Variants in SFMBT2 observed in about 807,000 individuals in gnomAD.
The protein encoded by SFMBT2 is scm-like with four MBT domains protein 2.
Under a neutral mutation model 110.1 loss-of-function variants are expected in SFMBT2, and 38 were observed. That is an observed-to-expected ratio of 0.35 (90% CI 0.27 to 0.45). The LOEUF is 0.45. Ranked by LOEUF, SFMBT2 falls within the 20% of genes least tolerant of loss-of-function variation. The pLI is 1.00. For missense variants in SFMBT2, 1,011 were observed against 1,094.9 expected, an observed-to-expected ratio of 0.92 and a Z score of 1.08; for synonymous variants, 425 against 425.4, an observed-to-expected ratio of 1.00 and a Z score of 0.01.
intron 4 of SFMBT2, chr10:7,329,573 A>C: frequency 1.1e-6 from 1 of 911,438 alleles, no homozygotes; most frequent in Non-Finnish European, 1.3e-6. Context: ...CCCAGGGGCC[A>C]AAACACCATT....
chr10:7,179,056 A>C (rs966427025), intron 16 of SFMBT2, among the ~76,000 whole-genome samples: 1 of 152,202 alleles, frequency 6.6e-6, no homozygotes, highest in Admixed American at 6.5e-5. Context: ...ACGGCAAAAA[A>C]AATTAAGGAT....
chr10:7,394,778 G>A (rs1845878102), intron 1 of SFMBT2, among the ~76,000 whole-genome samples: 1 of 151,434 alleles, frequency 6.6e-6, no homozygotes, highest in Non-Finnish European at 1.5e-5. Flanking sequence ...TGTCTACTGG[G>A]GCCTTCCTTT....
intron 7 of SFMBT2, among the ~76,000 whole-genome samples, chr10:7,253,768 T>G (rs1388080186): frequency 6.6e-6 from 1 of 150,468 alleles, no homozygotes; most frequent in Non-Finnish European, 1.5e-5. Context: ...TAAAATGCAT[T>G]GCTGTATCTT....
chr10:7,170,569 C>G lies in SFMBT2; in HGVS notation c.2544+359G>C, dbSNP rs1040351942. 2.0e-5 allele frequency among the ~76,000 whole-genome samples: 3 copies of G among 152,136 alleles called. No homozygotes were observed. Among genetic ancestry groups the G allele is most frequent in the Non-Finnish European group, 4.4e-5 (3 of 68,022 alleles). The stretch of plus-strand genomic sequence containing the variant: ...CTCACCCCTGCCTGGTGGTAAAGAG[C>G]CCCCACTGTAGAGTCGGTGGAGATG... On this transcript the variant is annotated intron_variant, in intron 20 of 20. Coordinates refer to ENST00000397167, the MANE Select transcript of SFMBT2 (RefSeq NM_001387889.1). The surrounding 1 kb of genome is among the most constrained non-coding windows in gnomAD (Gnocchi z 4.6).
intron 4 of SFMBT2, among the ~76,000 whole-genome samples, chr10:7,305,632 C>T (rs370651703): frequency 2.0e-5 from 3 of 152,172 alleles, no homozygotes; most frequent in South Asian, 2.1e-4. Flanking sequence ...GTGAAATCAA[C>T]GGGAAAACCA....
chr10:7,263,183 T>C (rs933013062), intron 7 of SFMBT2, among the ~76,000 whole-genome samples: 4 of 152,052 alleles, frequency 2.6e-5, no homozygotes, highest in Non-Finnish European at 5.9e-5. Flanking sequence ...CAGAGGGACA[T>C]GCACCAGTCT....
chr10:7,236,506 A>G (rs1253480241), intron 9 of SFMBT2, among the ~76,000 whole-genome samples: 1 of 152,242 alleles, frequency 6.6e-6, no homozygotes, highest in African/African-American at 2.4e-5. Flanking sequence ...TGGATCCATG[A>G]CAGTGGTGGC....
intron 9 of SFMBT2, among the ~76,000 whole-genome samples, chr10:7,230,285 C>T (rs912712664): frequency 5.3e-5 from 8 of 152,156 alleles, no homozygotes; most frequent in African/African-American, 1.9e-4. Flanking sequence ...ATGGCTCCTG[C>T]ATCAAAGATT....
Position 7,409,551 on chromosome 10 carries a change from C to G in SFMBT2, c.-52+1310G>C, listed in dbSNP as rs1266210033. On this transcript the variant is annotated intron_variant, in intron 1 of 20. Transcript: ENST00000397167. ...CACACTAATCCACAGGCACACACGACAGTTGCGTTTCGGTGCCCTGGTCCG... is the reference window on the plus strand; with the variant it reads ...CACACTAATCCACAGGCACACACGAGAGTTGCGTTTCGGTGCCCTGGTCCG... Among the ~76,000 whole-genome samples, 5 of 152,108 alleles carry G rather than the reference C, an allele frequency of 3.3e-5. No homozygotes were observed. In the South Asian group the frequency reaches 8.3e-4, roughly 25 times the overall value.
rs541314798 is a variant in SFMBT2, at chr10:7,403,576, A to G, written c.-52+7285T>C. Among the ~76,000 whole-genome samples the G allele has an allele frequency of 1.2e-3, 179 of 152,332 alleles. 1 individual carries two copies. The highest frequency in any genetic ancestry group is 4.1e-3 in the African/African-American group (171 of 41,584). On this transcript the variant is annotated intron_variant, in intron 1 of 20. Transcript: ENST00000397167. ...AGAATTGCTTGAACCCAGGAGCCAG[A>G]GGTCGCAATGAGCCGAGATCGCAGC...
intron 2 of SFMBT2, among the ~76,000 whole-genome samples, chr10:7,380,168 A>T (rs1845382705): frequency 6.6e-6 from 1 of 152,244 alleles, no homozygotes; most frequent in South Asian, 2.1e-4. Flanking sequence ...GTACTTAAAT[A>T]AAGTAGAATA....
At chr10:7,313,662 G>T (rs1202205970) in intron 4 of SFMBT2, among the ~76,000 whole-genome samples, 3 of 152,044 alleles carry the variant, frequency 2.0e-5, no homozygotes, top group Non-Finnish European at 4.4e-5. Context: ...GTTTTGTTTT[G>T]TTTAGAGATG....
intron 4 of SFMBT2, among the ~76,000 whole-genome samples, chr10:7,349,025 C>T (rs1844212829): frequency 6.6e-6 from 1 of 152,174 alleles, no homozygotes. Flanking sequence ...AGGATGGTCA[C>T]CCACCCATTC....
intron 6 of SFMBT2, among the ~76,000 whole-genome samples, chr10:7,282,285 C>G (rs759194426): frequency 1.3e-5 from 2 of 152,190 alleles, no homozygotes; most frequent in African/African-American, 2.4e-5. Context: ...TGTTCCATTC[C>G]TGCTCGTGAG....
chr10:7,392,986 TA>T (rs1845813094), intron 1 of SFMBT2, among the ~76,000 whole-genome samples: 2 of 5,280 alleles, frequency 3.8e-4, no homozygotes, highest in African/African-American at 4.6e-4. Flanking sequence ...GGATAGATTA[TA>T]TATATATATA....
chr10:7,371,811 T>C (rs1210472507), intron 2 of SFMBT2, among the ~76,000 whole-genome samples: 3 of 152,116 alleles, frequency 2.0e-5, no homozygotes, highest in Non-Finnish European at 4.4e-5. Flanking sequence ...CTTTCCATCT[T>C]GTGGCTGGTA....
intron 10 of SFMBT2, 55 bp downstream of exon 10, chr10:7,227,800 T>A: frequency 1.3e-6 from 2 of 1,499,972 alleles, no homozygotes; most frequent in Non-Finnish European, 9.2e-7. Flanking sequence ...TTATAAAACT[T>A]ACGGTAGACA....
At chr10:7,234,205 G>T (rs75708963) in intron 9 of SFMBT2, among the ~76,000 whole-genome samples, 9,654 of 145,870 alleles carry the variant, frequency 0.066, 410 homozygotes, top group Non-Finnish European at 0.093. Context: ...ATGGAACAGT[G>T]CAGGAAAAAA....
intron 13 of SFMBT2, 115 bp from the exon 14 acceptor site, chr10:7,200,599 C>A: frequency 5.1e-6 from 4 of 779,446 alleles, no homozygotes; most frequent in Non-Finnish European, 7.7e-6. Context: ...GATAAGAGGA[C>A]CATAGAATAG....
Sources: allele counts gnomAD v4.1 joint callset (sites outside exome capture counted in the v4.1 genomes callset), GRCh38; gene constraint gnomAD v4.1.1; non-coding constraint Gnocchi (gnomAD v3.1); transcripts MANE v1.5; gene names NCBI Gene and HGNC (gene_info 2026-07-23, HGNC 2026-07-21).